CDV3: variants seen among roughly 807,000 people sequenced by gnomAD.
CDV3 encodes the protein CDV3 homolog, also known as protein CDV3 homolog.
In CDV3, 14 loss-of-function variants were observed where a neutral mutation model predicts 24.5. The ratio of observed to expected loss-of-function variants is 0.57; its 90% CI spans 0.38 to 0.89. The LOEUF (loss-of-function observed/expected upper bound fraction) is 0.89. CDV3 is among the 40% of genes least tolerant of loss of function. The probability of loss-of-function intolerance (pLI) is 0.00; values close to 1 mark genes in which losing one functional copy is unlikely to be tolerated. For synonymous variants in CDV3, 114 were observed against 114.1 expected, an observed-to-expected ratio of 1.00 and a Z score of 0.00; for missense variants, 304 against 310.2, an observed-to-expected ratio of 0.98 and a Z score of 0.15.
chr3:133,575,168 A>G (rs2074757430), intron 2 of CDV3, 53 bp downstream of exon 2: 1 of 974,274 alleles, frequency 1.0e-6, no homozygotes, highest in African/African-American at 1.6e-5. Flanking sequence ...GATATTGGAT[A>G]CAAGTTAGGT....
intron 2 of CDV3, 145 bp downstream of exon 2, chr3:133,575,260 CTT>C (rs2074762500): frequency 9.2e-6 from 5 of 545,690 alleles, no homozygotes. Flanking sequence ...TCTGTCTACT[CTT>C]TCTCACTCCA....
At chr3:133,577,070 ACTC>A (rs2074843603) in intron 2 of CDV3, among the ~76,000 whole-genome samples, 3 of 149,144 alleles carry the variant, frequency 2.0e-5, no homozygotes, top group African/African-American at 2.5e-5. Flanking sequence ...CTGGTTTTGA[ACTC>A]CTGACCTCGT....
rs1208337024 is a variant in CDV3, at chr3:133,574,269, C to T, written c.225C>T (p.Thr75=). 23 of 987,402 alleles carry T rather than the reference C, an allele frequency of 2.3e-5. No homozygotes were observed. Among genetic ancestry groups the T allele is most frequent in the Non-Finnish European group, 2.6e-5 (22 of 831,622 alleles). 61.2% of individuals were successfully genotyped at this position (987,402 alleles called of 1,614,324 possible). A position where few individuals can be genotyped will look rare whatever the true frequency, so the allele number is the denominator to read the frequency against. ...GGGCTGCGGGCCCAGGGGCCGCCAC[C>T]AAGGCTGTGACGAAGGTGAGGGGCC... ...SAGAAGPGAA[T]KAVTKDEDEW... Residue 75 remains threonine, a synonymous_variant, in exon 1 of 5, where the codon ACC becomes ACT. Transcript: ENST00000264993.
chr3:133,588,283 T>C lies in CDV3; in HGVS notation c.*237T>C. ...AACTAGTTTCAACAGTGTTCTTTCA[T>C]ATTTACTCTGCAAATACAAAAAACC... is the stretch of plus-strand genomic sequence containing the variant. On this transcript the variant is annotated 3_prime_UTR_variant, in exon 5 of 5. Transcript: ENST00000264993. 21 of 1,539,448 alleles carry C rather than the reference T, an allele frequency of 1.4e-5. No homozygotes were observed. The highest frequency in any genetic ancestry group is 1.8e-5 in the Non-Finnish European group (21 of 1,146,518).
chr3:133,581,241 A>G (rs1463853602), intron 2 of CDV3, among the ~76,000 whole-genome samples: 3 of 151,946 alleles, frequency 2.0e-5, no homozygotes, highest in Admixed American at 6.6e-5. Flanking sequence ...AAATTAGCCA[A>G]TTGTGGTGGT....
chr3:133,588,433 A>G lies in CDV3; in HGVS notation c.*387A>G. ...TTCATGTGGATCACAACTTCTGGAT[A>G]AGAAGATTACAACTATTAAGTGTCG... On this transcript the variant is annotated 3_prime_UTR_variant, in exon 5 of 5. Transcript: ENST00000264993. The G allele has an allele frequency of 1.4e-6, 2 of 1,417,138 alleles. No individual in the cohort carries two copies. Among genetic ancestry groups the G allele is most frequent in the South Asian group, 1.2e-5 (1 of 81,380 alleles). The allele number at this position is 1,417,138 out of a possible 1,614,324, so 87.8% of individuals were successfully genotyped here. A position where few individuals can be genotyped will look rare whatever the true frequency, so the allele number is the denominator to read the frequency against.
At chr3:133,583,601 C>T (rs949731307) in intron 2 of CDV3, among the ~76,000 whole-genome samples, 5 of 152,130 alleles carry the variant, frequency 3.3e-5, no homozygotes, top group Non-Finnish European at 7.4e-5. Context: ...CACGCTCTGT[C>T]GCCCAGGAGG....
At chr3:133,574,426 T>C (rs1471970118) in intron 1 of CDV3, 142 bp downstream of exon 1, 2 of 982,450 alleles carry the variant, frequency 2.0e-6, no homozygotes, top group Non-Finnish European at 2.4e-6. Context: ...ACGCAGGCTC[T>C]CCACCTCGGG....
In CDV3 at chr3:133,589,747, G is replaced by C. The variant is rs1343957485; in HGVS notation, c.*1701G>C. On this transcript the variant is annotated 3_prime_UTR_variant, in exon 5 of 5. Transcript: ENST00000264993. ...GTTACAGTATCTCCTGACGGGACCT[G>C]CCACTCGCATCTGGGCAATGTTGAC... is the stretch of plus-strand genomic sequence containing the variant. The C allele has an allele frequency of 2.0e-5, 3 of 152,564 alleles. No homozygotes were observed. The South Asian group carries it at 6.2e-4, about 32-fold the overall frequency. 9.5% of individuals were successfully genotyped at this position (152,564 alleles called of 1,614,324 possible).
intron 3 of CDV3, 66 bp downstream of exon 3, chr3:133,584,216 T>C (rs1933356679): frequency 1.7e-6 from 2 of 1,181,782 alleles, no homozygotes; most frequent in East Asian, 2.4e-5. Context: ...ATGGTCCACT[T>C]TCAACTAAGT....
At chr3:133,577,323 G>A (rs1243544089) in intron 2 of CDV3, among the ~76,000 whole-genome samples, 1 of 150,876 alleles carries the variant, frequency 6.6e-6, no homozygotes, top group Non-Finnish European at 1.5e-5. Context: ...TCTATTTCTC[G>A]GTATACTGAG....
intron 2 of CDV3, among the ~76,000 whole-genome samples, chr3:133,582,858 G>C (rs1246867568): frequency 6.6e-6 from 1 of 152,168 alleles, no homozygotes; most frequent in Non-Finnish European, 1.5e-5. Context: ...CAAAAAGGAC[G>C]TTCGATTTAG....
In CDV3 at chr3:133,574,605, CTGAG is replaced by C. The variant is rs1338613751; in HGVS notation, c.240+323_240+326del. On this transcript the variant is annotated intron_variant, in intron 1 of 4. Transcript: ENST00000264993. The stretch of plus-strand genomic sequence containing the variant: ...CAGCGTTTATCGGGTGACGTCTAGG[CTGAG>C]TAATTCCGTGTGCTGACCTCAGCCC... 5.0e-6 allele frequency: 5 copies of C among 1,002,420 alleles called. No individual in the cohort carries two copies. The East Asian group carries it at 5.3e-4, about 106-fold the overall frequency. The allele number at this position is 1,002,420 out of a possible 1,614,324, so 62.1% of individuals were successfully genotyped here.
At chr3:133,581,880 A>G (rs1450261244) in intron 2 of CDV3, among the ~76,000 whole-genome samples, 3 of 152,260 alleles carry the variant, frequency 2.0e-5, no homozygotes. Context: ...AAATGGCTGC[A>G]TAGAATTCTC....
chr3:133,589,737 G>A lies in CDV3; in HGVS notation c.*1691G>A, dbSNP rs1023906228. The A allele has an allele frequency of 6.6e-6, 1 of 152,368 alleles. No individual in the cohort carries two copies. The highest frequency in any genetic ancestry group is 1.5e-5 in the Non-Finnish European group (1 of 68,046). 9.4% of individuals were successfully genotyped at this position (152,368 alleles called of 1,614,324 possible). The stretch of plus-strand genomic sequence containing the variant: ...TCCGAGGAGGGTTACAGTATCTCCT[G>A]ACGGGACCTGCCACTCGCATCTGGG... On this transcript the variant is annotated 3_prime_UTR_variant, in exon 5 of 5. Transcript: ENST00000264993.
At chr3:133,583,360 CTTAAATGCCTGTTTGTACACTT>C (rs1933254294) in intron 2 of CDV3, among the ~76,000 whole-genome samples, 2 of 152,126 alleles carry the variant, frequency 1.3e-5, no homozygotes, top group South Asian at 4.1e-4. Context: ...ATATGCTTAC[CTTAAATGCCTGTTTGTACACTT>C]TGGTGCAAGG....
intron 3 of CDV3, among the ~76,000 whole-genome samples, chr3:133,585,621 A>G (rs899724723): frequency 6.6e-6 from 1 of 151,720 alleles, no homozygotes; most frequent in Non-Finnish European, 1.5e-5. Flanking sequence ...CAGCCTCCCA[A>G]GTAGCTGGGA....
Position 133,588,488 on chromosome 3 carries a change from T to C in CDV3, c.*442T>C, listed in dbSNP as rs1933829334. 1 of 967,964 alleles carries C rather than the reference T, an allele frequency of 1.0e-6. No individual in the cohort carries two copies. Among genetic ancestry groups the C allele is most frequent in the African/African-American group, 1.6e-5 (1 of 60,834 alleles). 60.0% of individuals were successfully genotyped at this position (967,964 alleles called of 1,614,324 possible). On this transcript the variant is annotated 3_prime_UTR_variant, in exon 5 of 5. Coordinates refer to ENST00000264993, the MANE Select transcript of CDV3 (RefSeq NM_017548.5). ...GAACCTTGCAACCAGCTCTACTGGA[T>C]TCTTATCAGAAATCCTGCATAAAAA...
chr3:133,574,709 C>T, intron 1 of CDV3: 1 of 1,088,548 alleles, frequency 9.2e-7, no homozygotes, highest in Non-Finnish European at 1.1e-6. Flanking sequence ...AGTCTCTAAG[C>T]CCGTGAAAGA....
Sources: allele counts gnomAD v4.1 joint callset (sites outside exome capture counted in the v4.1 genomes callset), GRCh38; gene constraint gnomAD v4.1.1; transcripts MANE v1.5; gene names NCBI Gene and HGNC (gene_info 2026-07-23, HGNC 2026-07-21).